The following ARHGEF3 variants were observed in gnomAD, a reference collection of about 807,000 sequenced individuals.
The protein encoded by ARHGEF3 is Rho guanine nucleotide exchange factor 3.
ARHGEF3 carries 28 observed loss-of-function variants against 63.2 expected under a neutral mutation model. The observed-to-expected ratio is 0.44, with a 90% CI of 0.33 to 0.61. The LOEUF is 0.61. Among genes scored for constraint, ARHGEF3 ranks in the 20% least tolerant of loss-of-function variants. ARHGEF3 has a pLI of 0.03. For synonymous variants in ARHGEF3, 266 were observed against 254.2 expected, an observed-to-expected ratio of 1.05 and a Z score of -0.44; for missense variants, 533 against 659.3, an observed-to-expected ratio of 0.81 and a Z score of 2.10.
At chr3:56,775,531 C>G in intron 1 of ARHGEF3, 2 of 986,882 alleles carry the variant, frequency 2.0e-6, no homozygotes, top group Non-Finnish European at 2.4e-6. Flanking sequence ...GCTGAACAGA[C>G]AGCAGAAAAC....
At chr3:56,965,614 G>A (rs1446689047) in intron 2 of ARHGEF3, among the ~76,000 whole-genome samples, 4 of 150,076 alleles carry the variant, frequency 2.7e-5, no homozygotes, top group Non-Finnish European at 5.9e-5. Flanking sequence ...AATGTTTATT[G>A]ATAAGGAAGT....
rs527704634 is a variant in ARHGEF3 at position 57,044,972 on chromosome 3, A to T, written c.-27-9796T>A. Among the ~76,000 whole-genome samples, 9 of 152,334 alleles carry T rather than the reference A, an allele frequency of 5.9e-5. No homozygotes were observed. The East Asian group carries it at 1.5e-3, about 26-fold the overall frequency. ...CAAAAAAGTTTTAAAACCTTGCTTT[A>T]CATAAAACTATTGGCCGGACGTGGT... On this transcript the variant is annotated intron_variant, in intron 1 of 12. Transcript: ENST00000338458.
At chr3:56,760,731 T>C (rs754670243) in intron 2 of ARHGEF3, among the ~76,000 whole-genome samples, 1 of 152,170 alleles carries the variant, frequency 6.6e-6, no homozygotes, top group Non-Finnish European at 1.5e-5. Flanking sequence ...ACTGTTTACA[T>C]GCAAGACATG....
intron 6 of ARHGEF3, among the ~76,000 whole-genome samples, chr3:56,747,795 G>A (rs1179345104): frequency 6.6e-6 from 1 of 152,192 alleles, no homozygotes; most frequent in Non-Finnish European, 1.5e-5. Flanking sequence ...CTGCACTCCA[G>A]CCTTGGCGAC....
chr3:56,951,600 C>T (rs1699815957), intron 3 of ARHGEF3, among the ~76,000 whole-genome samples: 2 of 151,880 alleles, frequency 1.3e-5, no homozygotes, highest in South Asian at 4.1e-4. Context: ...GGTGTGCCTG[C>T]ACTTTCATAA....
intron 1 of ARHGEF3, chr3:57,073,696 T>C (rs1357869629): frequency 6.2e-7 from 1 of 1,606,626 alleles, no homozygotes; most frequent in South Asian, 1.1e-5. Flanking sequence ...TTGGGCCCCA[T>C]GTCCAGTTCT....
chr3:56,808,780 C>T (rs1578571085), intron 4 of ARHGEF3, among the ~76,000 whole-genome samples: 1 of 152,132 alleles, frequency 6.6e-6, no homozygotes, highest in Admixed American at 6.5e-5. Context: ...ATATTTGGCA[C>T]TGTCTGGATG....
At chr3:56,753,886 G>A (rs2034914118) in intron 3 of ARHGEF3, among the ~76,000 whole-genome samples, 1 of 152,216 alleles carries the variant, frequency 6.6e-6, no homozygotes, top group Non-Finnish European at 1.5e-5. Context: ...TGTGAGCCAT[G>A]GATTTGGTAC....
Position 56,727,884 on chromosome 3 carries a change from A to G in ARHGEF3, c.*1386T>C, listed in dbSNP as rs1398432714. The G allele has an allele frequency of 1.3e-5, 2 of 152,688 alleles. No homozygotes were observed. The highest frequency in any genetic ancestry group is 3.8e-4 in the East Asian group (2 of 5,202). The allele number at this position is 152,688 out of a possible 1,614,324, so 9.5% of individuals were successfully genotyped here. ...TGAATGCACATGATATATGTACATA[A>G]TAAAATGACATCAATGCATTTACTG... On this transcript the variant is annotated 3_prime_UTR_variant, in exon 10 of 10. Transcript: ENST00000296315.
intron 1 of ARHGEF3, among the ~76,000 whole-genome samples, chr3:56,792,443 G>A (rs2037136092): frequency 6.6e-6 from 1 of 152,172 alleles, no homozygotes. Flanking sequence ...TCTATTGTAG[G>A]ACAGAGAGGT....
chr3:56,744,343 G>A (rs375998312), intron 7 of ARHGEF3, among the ~76,000 whole-genome samples: 1 of 151,132 alleles, frequency 6.6e-6, no homozygotes, highest in East Asian at 1.9e-4. Flanking sequence ...GTCTTCTATT[G>A]CTGCTAGGGA....
At position 56,852,042 on chromosome 3, in the gene ARHGEF3, T is replaced by C. The variant is rs151207740; in HGVS notation, c.192+30250A>G. Among the ~76,000 whole-genome samples the C allele has an allele frequency of 3.3e-5, 5 of 152,340 alleles. No individual in the cohort carries two copies. The East Asian group carries it at 9.6e-4, about 29-fold the overall frequency. ...GATTTGGCCCTTGGAGCCTCTGTTA[T>C]CTGACCCTTACCCTGGAAGGGGTGG... On this transcript the variant is annotated intron_variant, in intron 4 of 12. Coordinates refer to the ARHGEF3 transcript ENST00000338458.
intron 2 of ARHGEF3, among the ~76,000 whole-genome samples, chr3:56,992,119 G>A (rs943572443): frequency 6.9e-6 from 1 of 144,184 alleles, no homozygotes; most frequent in Non-Finnish European, 1.5e-5. Flanking sequence ...CTGCTAGTTC[G>A]CTCATTAATG....
At chr3:56,933,394 CTTTT>C (rs869041385) in intron 3 of ARHGEF3, among the ~76,000 whole-genome samples, 2 of 132,908 alleles carry the variant, frequency 1.5e-5, no homozygotes, top group African/African-American at 5.4e-5. Flanking sequence ...TGTTTCTTTT[CTTTT>C]TTTTTTTTTT....
chr3:56,799,793 C>T (rs542233550), intron 1 of ARHGEF3, among the ~76,000 whole-genome samples: 5 of 152,194 alleles, frequency 3.3e-5, no homozygotes, highest in Admixed American at 1.3e-4. Flanking sequence ...ATATGCTCAT[C>T]GATGAAGCTA....
At chr3:57,075,061 A>T (rs570829439) in intron 1 of ARHGEF3, 1 of 167,210 alleles carries the variant, frequency 6.0e-6, no homozygotes, top group African/African-American at 2.4e-5. Flanking sequence ...GAGTTTGACC[A>T]CAACATTGGG....
At chr3:56,972,608 G>A (rs1339345600) in intron 2 of ARHGEF3, among the ~76,000 whole-genome samples, 2 of 152,002 alleles carry the variant, frequency 1.3e-5, no homozygotes, top group Non-Finnish European at 1.5e-5. Flanking sequence ...TGCAAGAGCC[G>A]GAAGCCTGTC....
intron 2 of ARHGEF3, among the ~76,000 whole-genome samples, chr3:57,022,140 G>A (rs1703285829): frequency 6.6e-6 from 1 of 152,062 alleles, no homozygotes; most frequent in South Asian, 2.1e-4. Flanking sequence ...CGGGCACGGT[G>A]GCATGTGTCT....
intron 1 of ARHGEF3, chr3:56,774,925 AC>A (rs2036208205): frequency 5.2e-5 from 59 of 1,141,714 alleles, no homozygotes; most frequent in African/African-American, 2.6e-4. Flanking sequence ...AACAACAACA[AC>A]AAAAAAAAAA....
Sources: allele counts gnomAD v4.1 joint callset (sites outside exome capture counted in the v4.1 genomes callset), GRCh38; gene constraint gnomAD v4.1.1; transcripts MANE v1.5; gene names NCBI Gene and HGNC (gene_info 2026-07-23, HGNC 2026-07-21).